Variants in CD226 observed in about 807,000 individuals in gnomAD.
CD226 encodes CD226 antigen.
A neutral mutation model predicts 34.9 loss-of-function variants in CD226; 24 were observed. The ratio of observed to expected loss-of-function variants is 0.69; its 90% CI spans 0.50 to 0.97. CD226 has a LOEUF of 0.97. Ranked by LOEUF, CD226 falls within the 50% of genes least tolerant of loss-of-function variation. The probability of loss-of-function intolerance (pLI) is 0.00; values close to 1 mark genes in which losing one functional copy is unlikely to be tolerated. For synonymous variants in CD226, 148 were observed against 147.4 expected (o/e 1.00, Z -0.03); for missense variants, 397 against 412.7 (o/e 0.96, Z 0.33).
At chr18:69,892,781 G>A (rs1166267098) in intron 3 of CD226, among the ~76,000 whole-genome samples, 1 of 151,456 alleles carries the variant, frequency 6.6e-6, no homozygotes, top group Non-Finnish European at 1.5e-5. Flanking sequence ...GTGTGTGCAT[G>A]TGTGTGTGTG....
intron 1 of CD226, among the ~76,000 whole-genome samples, chr18:69,953,306 G>A (rs575766600): frequency 1.2e-3 from 182 of 152,296 alleles, no homozygotes; most frequent in African/African-American, 4.2e-3. Context: ...AGGTGGTAAC[G>A]ATCCAAGCGT....
At chr18:69,884,447 T>C (rs945013150) in intron 3 of CD226, among the ~76,000 whole-genome samples, 1 of 152,232 alleles carries the variant, frequency 6.6e-6, no homozygotes, top group Admixed American at 6.5e-5. Flanking sequence ...GTATTGACTT[T>C]AGAAAACTTG....
chr18:69,901,842 G>GTACTC (rs1568181970), intron 2 of CD226, among the ~76,000 whole-genome samples: 6 of 150,590 alleles, frequency 4.0e-5, no homozygotes, highest in Non-Finnish European at 7.4e-5. Context: ...TCGCACCACT[G>GTACTC]CACTCCAGCC....
chr18:69,867,489 C>T lies in CD226; in HGVS notation c.831-78G>A, dbSNP rs1046293249. The T allele has an allele frequency of 2.8e-5, 26 of 917,108 alleles. 1 individual carries two copies. The African/African-American group carries it at 4.2e-4, about 15-fold the overall frequency. 56.8% of individuals were successfully genotyped at this position (917,108 alleles called of 1,614,324 possible). A position where few individuals can be genotyped will look rare whatever the true frequency, so the allele number is the denominator to read the frequency against. ...ATTATTTCGAAGACTCTATACCTCA[C>T]TGTACCCCTAGCCCACATGCACCTT... On this transcript the variant is annotated intron_variant, in intron 4 of 5. Coordinates refer to ENST00000582621, the MANE Select transcript of CD226 (RefSeq NM_001303618.2).
At chr18:69,872,699 C>A (rs1238504076) in intron 4 of CD226, among the ~76,000 whole-genome samples, 3 of 152,130 alleles carry the variant, frequency 2.0e-5, no homozygotes, top group Non-Finnish European at 4.4e-5. Flanking sequence ...ATGCTGTTTG[C>A]TTATTGGGAT....
At chr18:69,957,348 C>CT (rs2055906510), upstream of CD226, among the ~76,000 whole-genome samples, 2 of 52,730 alleles carry the variant, frequency 3.8e-5, no homozygotes, top group Non-Finnish European at 2.5e-4. Context: ...TTTCTAGATA[C>CT]TCTTTTTTTT....
chr18:69,942,713 C>T (rs760411098), intron 2 of CD226, among the ~76,000 whole-genome samples: 9 of 152,156 alleles, frequency 5.9e-5, no homozygotes, highest in Non-Finnish European at 1.3e-4. Context: ...GGGAGGCTGC[C>T]TCTCAGGCCA....
chr18:69,941,864 AC>A (rs1297171418), intron 2 of CD226, among the ~76,000 whole-genome samples: 1 of 152,112 alleles, frequency 6.6e-6, no homozygotes, highest in East Asian at 1.9e-4. Flanking sequence ...CTGTTTCCCC[AC>A]CCAAATCTCA....
chr18:69,879,739 T>C (rs1245474885), intron 3 of CD226, among the ~76,000 whole-genome samples: 2 of 152,198 alleles, frequency 1.3e-5, no homozygotes, highest in Admixed American at 1.3e-4. Flanking sequence ...CACAAGAGTA[T>C]TGACTGGGGA....
chr18:69,877,232 G>C (rs1740898552), intron 3 of CD226, among the ~76,000 whole-genome samples: 1 of 152,128 alleles, frequency 6.6e-6, no homozygotes, highest in Admixed American at 6.6e-5. Context: ...TTCAGGTTTG[G>C]TTAATCTGGT....
intron 3 of CD226, among the ~76,000 whole-genome samples, chr18:69,877,786 T>C (rs1983968212): frequency 6.6e-6 from 1 of 152,226 alleles, no homozygotes; most frequent in African/African-American, 2.4e-5. Context: ...ACATATATTG[T>C]TTTGAAAAGT....
chr18:69,867,879 T>C (rs902946132), intron 4 of CD226, among the ~76,000 whole-genome samples: 6 of 152,240 alleles, frequency 3.9e-5, no homozygotes, highest in Non-Finnish European at 5.9e-5. Flanking sequence ...ATCACTTATG[T>C]AGATTATTTT....
At chr18:69,880,397 A>C (rs1366951776) in intron 3 of CD226, among the ~76,000 whole-genome samples, 1 of 150,668 alleles carries the variant, frequency 6.6e-6, no homozygotes, top group African/African-American at 2.4e-5. Flanking sequence ...GAAAGAAAGA[A>C]GGAGGGAAGG....
intron 3 of CD226, among the ~76,000 whole-genome samples, chr18:69,887,674 C>T (rs1489563147): frequency 5.3e-5 from 8 of 152,108 alleles, no homozygotes; most frequent in African/African-American, 1.9e-4. Flanking sequence ...CAACTTGATA[C>T]TTGTGAAAGA....
chr18:69,878,414 T>C lies in CD226; in HGVS notation c.728-5168A>G, dbSNP rs80089779. Among the ~76,000 whole-genome samples, 29 of 152,204 alleles carry C rather than the reference T, an allele frequency of 1.9e-4. 1 individual carries two copies. Among genetic ancestry groups the C allele is most frequent in the Non-Finnish European group, 3.2e-4 (22 of 68,038 alleles). On this transcript the variant is annotated intron_variant, in intron 3 of 5. Coordinates refer to ENST00000582621, the MANE Select transcript of CD226 (RefSeq NM_001303618.2). ...AGTTTCTGGCAATGACAAGTATTTA[T>C]GGCTGAGTTATACACTCTTAGAAAA... is the stretch of plus-strand genomic sequence containing the variant.
chr18:69,864,091 G>A lies in CD226; in HGVS notation c.*223C>T. 2.1e-6 allele frequency: 1 copy of A among 487,184 alleles called. No homozygotes were observed. Among genetic ancestry groups the A allele is most frequent in the Non-Finnish European group, 3.7e-6 (1 of 272,426 alleles). The allele number at this position is 487,184 out of a possible 1,614,324, so 30.2% of individuals were successfully genotyped here. On this transcript the variant is annotated 3_prime_UTR_variant, in exon 6 of 6. Coordinates refer to ENST00000582621, the MANE Select transcript of CD226 (RefSeq NM_001303618.2). Reference sequence around the variant, plus strand: ...TCTCCCCTGGATCATTCTGTTATATGATACAGTAAGTTTTCTTTTGTATAT... The same window carrying A: ...TCTCCCCTGGATCATTCTGTTATATAATACAGTAAGTTTTCTTTTGTATAT...
chr18:69,894,533 C>A (rs1267682263), intron 3 of CD226, among the ~76,000 whole-genome samples: 1 of 92 alleles, frequency 0.011, no homozygotes, highest in Admixed American at 0.17. Flanking sequence ...AGGGGAGAGA[C>A]AGGAGGGGAG....
chr18:69,904,619 A>G (rs933519269), intron 2 of CD226, among the ~76,000 whole-genome samples: 51 of 152,258 alleles, frequency 3.3e-4, no homozygotes, highest in African/African-American at 1.2e-3. Flanking sequence ...AGTCAGTATC[A>G]TAAGATTTGC....
chr18:69,861,877 G>A lies in CD226; in HGVS notation c.*2437C>T, dbSNP rs117951575. ...GGAATTTCACAAGCATTACCCCTGA[G>A]GGTATAACAGGAGCATCAGAAGACG... On this transcript the variant is annotated 3_prime_UTR_variant, in exon 6 of 6. Transcript: ENST00000582621. 16 of 152,202 alleles carry A rather than the reference G, an allele frequency of 1.1e-4. No homozygotes were observed. The East Asian group carries it at 2.9e-3, about 28-fold the overall frequency. The allele number at this position is 152,202 out of a possible 1,614,324, so 9.4% of individuals were successfully genotyped here.
Sources: gnomAD v4.1 joint callset for allele counts (sites outside exome capture counted in the v4.1 genomes callset) on GRCh38, gnomAD v4.1.1 for gene constraint, MANE v1.5 for transcripts, NCBI Gene and HGNC (gene_info 2026-07-23, HGNC 2026-07-21) for gene names.